IFT80: variants seen among roughly 807,000 people sequenced by gnomAD.
IFT80 encodes the protein intraflagellar transport 80.
IFT80 carries 79 observed loss-of-function variants against 107.9 expected under a neutral mutation model. That is an observed-to-expected ratio of 0.73 (90% CI 0.61 to 0.88). The LOEUF (loss-of-function observed/expected upper bound fraction) is 0.88, where lower values mean the gene tolerates loss of function less well. Ranked by LOEUF, IFT80 falls within the 40% of genes least tolerant of loss-of-function variation. The probability of loss-of-function intolerance (pLI) is 0.00; values close to 1 mark genes in which losing one functional copy is unlikely to be tolerated. For missense variants in IFT80, 797 were observed against 914.2 expected, an observed-to-expected ratio of 0.87 and a Z score of 1.65; for synonymous variants, 299 against 300.9, an observed-to-expected ratio of 0.99 and a Z score of 0.07.
At chr3:160,327,601 A>G (rs1238545504) in intron 8 of IFT80, among the ~76,000 whole-genome samples, 1 of 152,100 alleles carries the variant, frequency 6.6e-6, no homozygotes, top group Non-Finnish European at 1.5e-5. Flanking sequence ...TAATAAACAA[A>G]TTTAATAAAT....
chr3:160,362,770 A>G (rs536308943), intron 6 of IFT80, among the ~76,000 whole-genome samples: 10 of 152,224 alleles, frequency 6.6e-5, no homozygotes, highest in Non-Finnish European at 1.2e-4. Flanking sequence ...ACAAAACCAC[A>G]TGATTATCTC....
chr3:160,258,530 G>T lies in IFT80; in HGVS notation c.2329C>A (p.Pro777Thr), dbSNP rs1387613728. The T allele has an allele frequency of 6.2e-7, 1 of 1,613,622 alleles. No homozygotes were observed. Among genetic ancestry groups the T allele is most frequent in the Admixed American group, 1.7e-5 (1 of 59,978 alleles). ...SQSSKSIGLK[P>T] is the part of the protein sequence containing the mutation. Reference sequence around the variant, plus strand: ...CTTAAAGATACGCATGGCATTTAGGGCTTTAAACCTATACTCTTGCTGGAT... The same window carrying T: ...CTTAAAGATACGCATGGCATTTAGGTCTTTAAACCTATACTCTTGCTGGAT... The change falls in exon 20 of 20, where the codon CCC becomes ACC. Residue 777 changes from proline (P) to threonine (T), a missense_variant. Pro to Thr is a conservative substitution (Grantham distance 38). Coordinates refer to ENST00000326448, the MANE Select transcript of IFT80 (RefSeq NM_020800.3).
intron 8 of IFT80, among the ~76,000 whole-genome samples, chr3:160,330,661 A>G (rs960884142): frequency 6.6e-6 from 1 of 152,036 alleles, no homozygotes; most frequent in African/African-American, 2.4e-5. Context: ...AAAAATTTGC[A>G]TTTCTAACAA....
Position 160,309,978 on chromosome 3 carries a change from C to T in IFT80, c.958-2197G>A, listed in dbSNP as rs557541377. 1.7e-4 allele frequency among the ~76,000 whole-genome samples: 26 copies of T among 152,126 alleles called. No homozygotes were observed. The South Asian group carries it at 3.5e-3, about 21-fold the overall frequency. On this transcript the variant is annotated intron_variant, in intron 9 of 19. Coordinates refer to ENST00000326448, the MANE Select transcript of IFT80 (RefSeq NM_020800.3). ...ATTTAAATTAGAAACAGCATAAACT[C>T]GTGATGTATTTTCATCGGTCAAAAA...
chr3:160,289,833 G>T (rs979567924), intron 12 of IFT80, among the ~76,000 whole-genome samples: 1 of 152,120 alleles, frequency 6.6e-6, no homozygotes, highest in Non-Finnish European at 1.5e-5. Flanking sequence ...CCTTAAGCAC[G>T]TGAGTAGGCA....
Position 160,340,741 on chromosome 3 carries a change from T to C in IFT80, c.777+15272A>G, listed in dbSNP as rs538225519. Among the ~76,000 whole-genome samples, 3 of 152,336 alleles carry C rather than the reference T, an allele frequency of 2.0e-5. No individual in the cohort carries two copies. In the East Asian group the frequency reaches 5.8e-4, roughly 29 times the overall value. On this transcript the variant is annotated intron_variant, in intron 8 of 19. Coordinates refer to ENST00000326448, the MANE Select transcript of IFT80 (RefSeq NM_020800.3). ...CTGCTTTTAAGAACTCATGTGATTATATTGGATGACTGGATAATCCAGGAT... is the reference window on the plus strand; with the variant it reads ...CTGCTTTTAAGAACTCATGTGATTACATTGGATGACTGGATAATCCAGGAT...
intron 1 of IFT80, among the ~76,000 whole-genome samples, chr3:160,389,525 C>T (rs1713200700): frequency 7.2e-6 from 1 of 138,588 alleles, no homozygotes. Flanking sequence ...GTTCCCCTTC[C>T]TGTGTCCATG....
rs1576782736 is a variant in IFT80, at chr3:160,306,588, A to G, written c.1076+1075T>C. On this transcript the variant is annotated intron_variant, in intron 10 of 19. Coordinates refer to ENST00000326448, the MANE Select transcript of IFT80 (RefSeq NM_020800.3). Reference sequence around the variant, plus strand: ...TCCTCTTTTGCTCTCATGTAAGGAAAAAAAAAAACTCACATAAAATTAAAT... The same window carrying G: ...TCCTCTTTTGCTCTCATGTAAGGAAGAAAAAAAACTCACATAAAATTAAAT... Among the ~76,000 whole-genome samples the G allele has an allele frequency of 2.0e-5, 3 of 152,244 alleles. No individual in the cohort carries two copies. In the Middle Eastern group the frequency reaches 0.01, roughly 518 times the overall value.
rs76922532 is a variant in IFT80, at chr3:160,330,219, C to A, written c.778-10280G>T. On this transcript the variant is annotated intron_variant, in intron 8 of 19. Transcript: ENST00000326448. The stretch of plus-strand genomic sequence containing the variant: ...AACCAAAACCCTGGCTCTGATCCAA[C>A]CAATTAAATCCAGAATCTCCTGGGG... Among the ~76,000 whole-genome samples, 38 of 152,246 alleles carry A rather than the reference C, an allele frequency of 2.5e-4. No individual in the cohort carries two copies. The East Asian group carries it at 7.1e-3, about 29-fold the overall frequency.
chr3:160,279,168 A>T, intron 16 of IFT80, 25 bp downstream of exon 16: 1 of 1,591,034 alleles, frequency 6.3e-7, no homozygotes, highest in Non-Finnish European at 8.6e-7. Context: ...TATATATACA[A>T]CTATGAATCT....
At chr3:160,301,830 A>G (rs1246794520) in intron 11 of IFT80, among the ~76,000 whole-genome samples, 2 of 151,998 alleles carry the variant, frequency 1.3e-5, no homozygotes, top group African/African-American at 4.8e-5. Flanking sequence ...TCCTACCTCC[A>G]TAGAGATAAC....
chr3:160,277,717 G>T, intron 16 of IFT80, 47 bp from the exon 17 acceptor site: 2 of 1,249,730 alleles, frequency 1.6e-6, no homozygotes, highest in Non-Finnish European at 2.3e-6. Flanking sequence ...TGACTGAACT[G>T]CCTTAAAATA....
intron 18 of IFT80, among the ~76,000 whole-genome samples, chr3:160,275,903 CTTAT>C (rs1251390844): frequency 2.0e-5 from 3 of 151,840 alleles, no homozygotes; most frequent in Non-Finnish European, 4.4e-5. Flanking sequence ...AAGACAATGG[CTTAT>C]TTATTTATTT....
At chr3:160,394,261 T>C (rs576025549) in intron 1 of IFT80, 374 of 152,356 alleles carry the variant, frequency 2.5e-3, no homozygotes, top group Middle Eastern at 0.024. Context: ...GGAGGAAGAA[T>C]TGTCTTGGGC....
rs533814246 is a variant in IFT80 at position 160,279,490 on chromosome 3, CCAAAGG to C, written c.1665-132_1665-127del. ...TCTCCAATCTCCAAAAGGCACACCC[CCAAAGG>C]TTAACTCCAGGGAGAATGTATATGT... On this transcript the variant is annotated intron_variant, in intron 15 of 19. Coordinates refer to ENST00000326448, the MANE Select transcript of IFT80 (RefSeq NM_020800.3). 2.7e-4 allele frequency: 203 copies of C among 746,118 alleles called. 6 individuals carry two copies. In the South Asian group the frequency reaches 3.1e-3, roughly 11 times the overall value. The allele number at this position is 746,118 out of a possible 1,614,324, so 46.2% of individuals were successfully genotyped here. A position where few individuals can be genotyped will look rare whatever the true frequency, so the allele number is the denominator to read the frequency against.
chr3:160,371,133 T>C (rs1345302941), intron 5 of IFT80, among the ~76,000 whole-genome samples: 1 of 152,180 alleles, frequency 6.6e-6, no homozygotes, highest in African/African-American at 2.4e-5. Context: ...TCACACGGCC[T>C]ACACTCTGGC....
At position 160,319,846 on chromosome 3, in the gene IFT80, C is replaced by G; in HGVS notation, c.871G>C (p.Gly291Arg). The G allele has an allele frequency of 6.2e-7, 1 of 1,612,894 alleles. No individual in the cohort carries two copies. Among genetic ancestry groups the G allele is most frequent in the South Asian group, 1.1e-5 (1 of 91,040 alleles). The stretch of plus-strand genomic sequence containing the variant: ...ACCACATGTGCAAAAACGACATGTC[C>G]ATTTCCACAGGCTCCAGCAATCTGA... ...GTQIAGACGN[G>R]HVVFAHVVEQ... The change falls in exon 9 of 20, where the codon GGA becomes CGA. Residue 291 changes from glycine (G) to arginine (R), a missense_variant. By Grantham distance (125) the Gly-to-Arg change is moderately radical. Transcript: ENST00000326448.
At chr3:160,302,772 CTAAA>C (rs563029717) in intron 11 of IFT80, among the ~76,000 whole-genome samples, 63 of 152,022 alleles carry the variant, frequency 4.1e-4, no homozygotes, top group African/African-American at 1.3e-3. Context: ...TATGATGTAA[CTAAA>C]TAATTGATAC....
At chr3:160,363,759 AGG>A (rs1227391936) in intron 6 of IFT80, among the ~76,000 whole-genome samples, 1 of 152,230 alleles carries the variant, frequency 6.6e-6, no homozygotes, top group African/African-American at 2.4e-5. Context: ...AAATGGGGAA[AGG>A]ATTCCCTATT....
Sources: gnomAD v4.1 joint callset for allele counts (sites outside exome capture counted in the v4.1 genomes callset) on GRCh38, gnomAD v4.1.1 for gene constraint, MANE v1.5 for transcripts, NCBI Gene and HGNC (gene_info 2026-07-23, HGNC 2026-07-21) for gene names.